ART1: variants seen among roughly 807,000 people sequenced by gnomAD.
ART1 encodes the protein ADP-ribosyltransferase 1, also known as GPI-linked NAD(P)(+)--arginine ADP-ribosyltransferase 1.
ART1 carries 29 observed loss-of-function variants against 27.0 expected under a neutral mutation model. The observed-to-expected ratio is 1.08, with a 90% CI of 0.80 to 1.47. The LOEUF (loss-of-function observed/expected upper bound fraction) is 1.47, where lower values mean the gene tolerates loss of function less well. ART1 is among the 40% of genes most tolerant of loss of function. ART1 has a pLI of 0.00. For synonymous variants in ART1, 201 were observed against 172.2 expected, an observed-to-expected ratio of 1.17 and a Z score of -1.31; for missense variants, 480 against 423.0, an observed-to-expected ratio of 1.13 and a Z score of -1.18.
intron 1 of ART1, among the ~76,000 whole-genome samples, chr11:3,648,052 A>T (rs141074373): frequency 6.6e-6 from 1 of 152,214 alleles, no homozygotes; most frequent in African/African-American, 2.4e-5. Context: ...TGTCTTGTGA[A>T]ATTCCTTCTC....
intron 1 of ART1, among the ~76,000 whole-genome samples, chr11:3,647,514 G>C (rs925530796): frequency 6.7e-6 from 1 of 149,314 alleles, no homozygotes; most frequent in Non-Finnish European, 1.5e-5. Flanking sequence ...GGCACCTGTA[G>C]TACCAGCTAC....
At chr11:3,650,288 G>A (rs2077509554) in intron 1 of ART1, among the ~76,000 whole-genome samples, 2 of 152,180 alleles carry the variant, frequency 1.3e-5, no homozygotes, top group African/African-American at 4.8e-5. Flanking sequence ...CATCTGTGTG[G>A]GACCCCACTG....
intron 3 of ART1, among the ~76,000 whole-genome samples, 157 bp from the exon 4 acceptor site, chr11:3,661,215 C>T (rs1478275066): frequency 6.6e-6 from 1 of 152,106 alleles, no homozygotes; most frequent in Non-Finnish European, 1.5e-5. Context: ...TCGAGGCAAA[C>T]CTAGTCAAGG....
In ART1 at chr11:3,664,234, T is replaced by G. The variant is rs2077644451; in HGVS notation, c.*45T>G. The G allele has an allele frequency of 2.5e-6, 4 of 1,572,406 alleles. No individual in the cohort carries two copies. Among genetic ancestry groups the G allele is most frequent in the Non-Finnish European group, 2.6e-6 (3 of 1,145,722 alleles). On this transcript the variant is annotated 3_prime_UTR_variant, in exon 5 of 5. Transcript: ENST00000250693. ...CCTCGCCTGCTGCCTCTGCCCATCCTGAGGATGTTGGCCATGTGTGCTTTC... is the reference window on the plus strand; with the variant it reads ...CCTCGCCTGCTGCCTCTGCCCATCCGGAGGATGTTGGCCATGTGTGCTTTC...
intron 4 of ART1, among the ~76,000 whole-genome samples, chr11:3,662,100 C>G (rs986061927): frequency 6.6e-6 from 1 of 152,252 alleles, no homozygotes; most frequent in African/African-American, 2.4e-5. Flanking sequence ...GTCTCTGTTA[C>G]TGCCCTCAGG....
At chr11:3,657,769 A>G (rs1344258831) in intron 1 of ART1, among the ~76,000 whole-genome samples, 1 of 152,224 alleles carries the variant, frequency 6.6e-6, no homozygotes, top group Middle Eastern at 3.2e-3. Context: ...AATCTTTCCT[A>G]TAAAAACATG....
intron 1 of ART1, among the ~76,000 whole-genome samples, chr11:3,646,956 G>T (rs2077473502): frequency 6.6e-6 from 1 of 152,150 alleles, no homozygotes; most frequent in Non-Finnish European, 1.5e-5. Flanking sequence ...ACTTAAACAT[G>T]TGTAAAGAGG....
intron 4 of ART1, among the ~76,000 whole-genome samples, chr11:3,663,068 C>T (rs1432329322): frequency 2.5e-5 from 3 of 119,310 alleles, no homozygotes; most frequent in Non-Finnish European, 3.3e-5. Context: ...CTCATCTCAT[C>T]TCATCTCATC....
chr11:3,652,719 C>T (rs1263579564), intron 1 of ART1, among the ~76,000 whole-genome samples: 1 of 151,680 alleles, frequency 6.6e-6, no homozygotes, highest in Non-Finnish European at 1.5e-5. Flanking sequence ...TTCTCAACTA[C>T]TCATACATGT....
intron 1 of ART1, among the ~76,000 whole-genome samples, chr11:3,651,714 C>T (rs1382254267): frequency 5.3e-5 from 8 of 151,504 alleles, no homozygotes; most frequent in African/African-American, 1.9e-4. Flanking sequence ...TTTCTGATCC[C>T]CCAGCTCCTT....
chr11:3,649,024 G>A (rs956648478), intron 1 of ART1, among the ~76,000 whole-genome samples: 8 of 141,220 alleles, frequency 5.7e-5, no homozygotes, highest in Admixed American at 1.4e-4. Flanking sequence ...TCCGTGCCCC[G>A]ACCTCTTATC....
intron 1 of ART1, chr11:3,655,426 C>T (rs1040862535): frequency 6.6e-6 from 1 of 152,220 alleles, no homozygotes; most frequent in African/African-American, 2.4e-5. Context: ...TGACTTCCAG[C>T]CCTCATTGGT....
chr11:3,661,589 G>T (rs1038231154), intron 4 of ART1, among the ~76,000 whole-genome samples, 176 bp downstream of exon 4: 4 of 149,100 alleles, frequency 2.7e-5, no homozygotes, highest in Admixed American at 1.4e-4. Context: ...CCACTTCCCG[G>T]GTTCAAGCCA....
chr11:3,646,974 T>C (rs2077473651), intron 1 of ART1, among the ~76,000 whole-genome samples: 1 of 151,954 alleles, frequency 6.6e-6, no homozygotes, highest in Non-Finnish European at 1.5e-5. Flanking sequence ...AGGGTACATC[T>C]CACATTAAAT....
intron 1 of ART1, among the ~76,000 whole-genome samples, chr11:3,653,808 G>A (rs2077549231): frequency 1.4e-5 from 2 of 144,682 alleles, no homozygotes; most frequent in South Asian, 2.3e-4. Context: ...TATCCTCACT[G>A]CCATTCTCCC....
chr11:3,650,576 G>T (rs530789289), intron 1 of ART1, among the ~76,000 whole-genome samples: 4 of 152,058 alleles, frequency 2.6e-5, no homozygotes, highest in Non-Finnish European at 4.4e-5. Flanking sequence ...TTCCATAACT[G>T]TTGTGGGTAT....
At chr11:3,651,982 C>A (rs1450256305) in intron 1 of ART1, among the ~76,000 whole-genome samples, 1 of 151,610 alleles carries the variant, frequency 6.6e-6, no homozygotes, top group Non-Finnish European at 1.5e-5. Context: ...ATAGAACAAG[C>A]CACCAGCCCG....
At chr11:3,648,068 T>C (rs1359248272) in intron 1 of ART1, among the ~76,000 whole-genome samples, 1 of 152,182 alleles carries the variant, frequency 6.6e-6, no homozygotes, top group African/African-American at 2.4e-5. Context: ...TTCTCCTGGC[T>C]CATCCTGGCT....
intron 1 of ART1, among the ~76,000 whole-genome samples, chr11:3,656,436 G>A (rs935447532): frequency 5.9e-5 from 9 of 152,186 alleles, no homozygotes; most frequent in African/African-American, 2.2e-4. Flanking sequence ...AGGCTTGAGT[G>A]CAATGGCGCA....
Sources: allele counts gnomAD v4.1 joint callset (sites outside exome capture counted in the v4.1 genomes callset), GRCh38; gene constraint gnomAD v4.1.1; transcripts MANE v1.5; gene names NCBI Gene and HGNC (gene_info 2026-07-23, HGNC 2026-07-21).